Variants in BANK1 observed in about 807,000 individuals in gnomAD.
BANK1 encodes the protein B-cell scaffold protein with ankyrin repeats.
A neutral mutation model predicts 94.5 loss-of-function variants in BANK1; 95 were observed. The ratio of observed to expected loss-of-function variants is 1.00; its 90% CI spans 0.85 to 1.19. The LOEUF (loss-of-function observed/expected upper bound fraction) is 1.19. Among genes scored for constraint, BANK1 ranks in the 50% most tolerant of loss-of-function variants. The pLI is 0.00. For missense variants in BANK1, 987 were observed against 932.2 expected (o/e 1.06, Z -0.77); for synonymous variants, 334 against 308.4 (o/e 1.08, Z -0.87).
At chr4:101,919,109 G>A (rs1194288738) in intron 7 of BANK1, among the ~76,000 whole-genome samples, 5 of 151,868 alleles carry the variant, frequency 3.3e-5, no homozygotes, top group Admixed American at 3.3e-4. Flanking sequence ...ATTGTTCACT[G>A]TATGCAGGCA....
intron 2 of BANK1, among the ~76,000 whole-genome samples, chr4:101,847,160 A>G (rs1727279434): frequency 1.3e-5 from 2 of 151,264 alleles, no homozygotes; most frequent in African/African-American, 4.9e-5. Context: ...AATCCATATA[A>G]CAAGGATAAT....
intron 5 of BANK1, 83 bp downstream of exon 5, chr4:101,870,727 G>A (rs1451830976): frequency 1.4e-6 from 2 of 1,451,042 alleles, no homozygotes; most frequent in Non-Finnish European, 9.2e-7. Context: ...TTTGGTATAA[G>A]TTTGAATGTG....
At chr4:101,791,708 A>G (rs2148846588) in intron 1 of BANK1, among the ~76,000 whole-genome samples, 1 of 152,342 alleles carries the variant, frequency 6.6e-6, no homozygotes, top group Admixed American at 6.5e-5. Flanking sequence ...GTATATTCTG[A>G]GTGAAAGTTT....
At chr4:101,893,953 A>T (rs900614136) in intron 5 of BANK1, among the ~76,000 whole-genome samples, 1 of 152,026 alleles carries the variant, frequency 6.6e-6, no homozygotes, top group African/African-American at 2.4e-5. Context: ...TAGAGTCCTT[A>T]ACCAGGCCAT....
Position 102,073,747 on chromosome 4 carries a change from A to G in BANK1, c.*4A>G. ...CTGTTGCAAGAAAGATCATTAAAGA[A>G]GGTAAAATATTAGCTGTGTATATTT... On this transcript the variant is annotated splice_region_variant and 3_prime_UTR_variant, in exon 16 of 17. Coordinates refer to ENST00000322953, the MANE Select transcript of BANK1 (RefSeq NM_017935.5). 6.2e-7 allele frequency: 1 copy of G among 1,607,910 alleles called. No homozygotes were observed. Among genetic ancestry groups the G allele is most frequent in the Non-Finnish European group, 8.5e-7 (1 of 1,175,518 alleles).
chr4:102,036,025 A>T (rs1460292987), intron 10 of BANK1, among the ~76,000 whole-genome samples: 7 of 152,228 alleles, frequency 4.6e-5, no homozygotes, highest in Non-Finnish European at 8.8e-5. Flanking sequence ...AAAGAGATGA[A>T]TGCCTATTGG....
chr4:102,032,897 T>TA (rs60615473), intron 10 of BANK1, among the ~76,000 whole-genome samples: 50,301 of 145,026 alleles, frequency 0.35, 8,711 homozygotes, highest in South Asian at 0.45. Flanking sequence ...AATATAAAAA[T>TA]AAAAAAAAAA....
intron 7 of BANK1, among the ~76,000 whole-genome samples, chr4:102,010,011 A>G (rs544526726): frequency 7.2e-4 from 110 of 152,216 alleles, no homozygotes; most frequent in Non-Finnish European, 1.3e-3. Context: ...TCACGCCTGT[A>G]ATCCCAGCAC....
intron 10 of BANK1, among the ~76,000 whole-genome samples, chr4:102,038,820 G>C (rs1283510644): frequency 6.6e-6 from 1 of 152,096 alleles, no homozygotes; most frequent in East Asian, 1.9e-4. Flanking sequence ...TAGAAAAAAA[G>C]ATTTATAGTG....
chr4:101,981,823 G>A (rs1297596022), intron 7 of BANK1: 1 of 152,076 alleles, frequency 6.6e-6, no homozygotes, highest in Non-Finnish European at 1.5e-5. Context: ...AAGGAGCCAG[G>A]TTGTTTTACA....
At chr4:101,831,666 G>C (rs1726626032) in intron 2 of BANK1, among the ~76,000 whole-genome samples, 1 of 152,080 alleles carries the variant, frequency 6.6e-6, no homozygotes, top group Admixed American at 6.5e-5. Context: ...GAGGAGATGA[G>C]GTTTTACCAT....
intron 7 of BANK1, among the ~76,000 whole-genome samples, chr4:101,947,203 G>A (rs1272560318): frequency 6.7e-6 from 1 of 149,816 alleles, no homozygotes; most frequent in Non-Finnish European, 1.5e-5. Context: ...TCAAATGTAG[G>A]TGTACTCTAA....
chr4:102,039,861 A>G (rs1484872751), intron 10 of BANK1, among the ~76,000 whole-genome samples: 2 of 152,058 alleles, frequency 1.3e-5, no homozygotes, highest in Admixed American at 6.6e-5. Flanking sequence ...TATGTATTTT[A>G]TTTTATATAA....
At chr4:101,893,754 A>T (rs1222205700) in intron 5 of BANK1, among the ~76,000 whole-genome samples, 2 of 152,076 alleles carry the variant, frequency 1.3e-5, no homozygotes, top group Admixed American at 1.3e-4. Context: ...AAACAATCAT[A>T]ATTATGCTAA....
chr4:102,005,771 G>A (rs760872249), intron 7 of BANK1, among the ~76,000 whole-genome samples: 3 of 151,900 alleles, frequency 2.0e-5, no homozygotes, highest in Non-Finnish European at 2.9e-5. Context: ...GGCAGGTACT[G>A]TTAATACCCC....
chr4:101,846,140 G>A (rs755426475), intron 2 of BANK1, among the ~76,000 whole-genome samples: 7 of 151,858 alleles, frequency 4.6e-5, no homozygotes, highest in Non-Finnish European at 8.8e-5. Context: ...GTTTATTGCC[G>A]CACTGTTCAC....
At chr4:101,974,167 A>C (rs1351384728) in intron 7 of BANK1, among the ~76,000 whole-genome samples, 1 of 152,102 alleles carries the variant, frequency 6.6e-6, no homozygotes, top group Admixed American at 6.6e-5. Context: ...CTTCTTTTCC[A>C]TGTAATAATC....
chr4:101,998,891 G>T (rs1725968070), intron 7 of BANK1, among the ~76,000 whole-genome samples: 1 of 151,990 alleles, frequency 6.6e-6, no homozygotes, highest in Admixed American at 6.6e-5. Context: ...TGTTTCCTGG[G>T]TCCCATGTCC....
chr4:102,016,572 A>G (rs1726708248), intron 7 of BANK1, among the ~76,000 whole-genome samples: 1 of 152,216 alleles, frequency 6.6e-6, no homozygotes, highest in African/African-American at 2.4e-5. Flanking sequence ...TCAATCCAGT[A>G]TGAATTCACA....
Sources: gnomAD v4.1 joint callset for allele counts (sites outside exome capture counted in the v4.1 genomes callset) on GRCh38, gnomAD v4.1.1 for gene constraint, MANE v1.5 for transcripts, NCBI Gene and HGNC (gene_info 2026-07-23, HGNC 2026-07-21) for gene names.